WDR19: variants seen among roughly 807,000 people sequenced by gnomAD.
The protein encoded by WDR19 is WD repeat-containing protein 19.
A neutral mutation model predicts 180.0 loss-of-function variants in WDR19; 121 were observed. That is an observed-to-expected ratio of 0.67 (90% confidence interval 0.58 to 0.78). The LOEUF is 0.78. Ranked by LOEUF, WDR19 falls within the 30% of genes least tolerant of loss-of-function variation. The pLI is 0.00. For synonymous variants in WDR19, 497 were observed against 540.7 expected, an observed-to-expected ratio of 0.92 and a Z score of 1.12; for missense variants, 1,450 against 1,640.7, an observed-to-expected ratio of 0.88 and a Z score of 2.01.
chr4:39,265,543 G>A (rs898660121), intron 28 of WDR19, among the ~76,000 whole-genome samples: 18 of 151,864 alleles, frequency 1.2e-4, no homozygotes, highest in Non-Finnish European at 1.8e-4. Context: ...GGAGGCTGAG[G>A]CGAGCAGATC....
rs139166827 is a variant in WDR19, at chr4:39,285,550, A to G, written c.*77A>G. 95 of 152,336 alleles carry G rather than the reference A, an allele frequency of 6.2e-4. No individual in the cohort carries two copies. The highest frequency in any genetic ancestry group is 2.2e-3 in the African/African-American group (91 of 41,574). 9.4% of individuals were successfully genotyped at this position (152,336 alleles called of 1,614,324 possible). A position where few individuals can be genotyped will look rare whatever the true frequency, so the allele number is the denominator to read the frequency against. ...GCTGTTTCCTCCCCTGGTGGATTTA[A>G]GAGACGGTCCTTTCTGGATACAGAG... On this transcript the variant is annotated 3_prime_UTR_variant, in exon 37 of 37. Coordinates refer to ENST00000399820, the MANE Select transcript of WDR19 (RefSeq NM_025132.4).
intron 33 of WDR19, among the ~76,000 whole-genome samples, chr4:39,276,237 G>A (rs1415269662): frequency 6.6e-6 from 1 of 152,172 alleles, no homozygotes; most frequent in African/African-American, 2.4e-5. Flanking sequence ...CTCTAAGCTG[G>A]ATGGGAGTAC....
chr4:39,284,599 A>AAAG (rs1335709146), intron 36 of WDR19, among the ~76,000 whole-genome samples: 17 of 148,490 alleles, frequency 1.1e-4, no homozygotes, highest in African/African-American at 3.7e-4. Flanking sequence ...TCAGCCTCCC[A>AAAG]AAGAAGTGTT....
Position 39,194,637 on chromosome 4 carries a change from A to G in WDR19, c.384A>G (p.Thr128=), listed in dbSNP as rs1255291158. 1 of 1,611,498 alleles carries G rather than the reference A, an allele frequency of 6.2e-7. No individual in the cohort carries two copies. Among genetic ancestry groups the G allele is most frequent in the Non-Finnish European group, 8.5e-7 (1 of 1,178,264 alleles). The change falls in exon 5 of 37, where the codon ACA becomes ACG. Residue 128 remains threonine, a synonymous_variant. Transcript: ENST00000399820. ...ATTTGCTTATTTATAATCATCAGAC[A>G]TCTCGAAAGATTCCTGTCCTTGGTA... ...KGNLLIYNHQ[T]SRKIPVLGKH...
chr4:39,255,951 A>G lies in WDR19; in HGVS notation c.3105A>G (p.Gln1035=). ...QAGKFFLLCG[Q]YSRALKHFLK... Reference sequence around the variant, plus strand: ...GAAAATTCTTCTTGCTGTGTGGCCAATATTCACGAGTTAGTATTTGCCAAG... The same window carrying G: ...GAAAATTCTTCTTGCTGTGTGGCCAGTATTCACGAGTTAGTATTTGCCAAG... The change falls in exon 27 of 37, where the codon CAA becomes CAG. Residue 1035 remains glutamine (Q), a synonymous_variant. Coordinates refer to ENST00000399820, the MANE Select transcript of WDR19 (RefSeq NM_025132.4). 3 of 1,552,826 alleles carry G rather than the reference A, an allele frequency of 1.9e-6. No individual in the cohort carries two copies. The highest frequency in any genetic ancestry group is 2.6e-6 in the Non-Finnish European group (3 of 1,149,736).
At chr4:39,208,182 G>A (rs1728143634) in intron 9 of WDR19, among the ~76,000 whole-genome samples, 1 of 151,194 alleles carries the variant, frequency 6.6e-6, no homozygotes, top group East Asian at 1.9e-4. Context: ...GAAAGAAACA[G>A]GAATAAAAAC....
chr4:39,183,700 T>C (rs1411686599), intron 1 of WDR19, among the ~76,000 whole-genome samples: 1 of 152,234 alleles, frequency 6.6e-6, no homozygotes, highest in African/African-American at 2.4e-5. Flanking sequence ...TGAAGAGTTA[T>C]TATTCATGAT....
chr4:39,248,317 C>T (rs749253910), intron 24 of WDR19, among the ~76,000 whole-genome samples: 40 of 152,146 alleles, frequency 2.6e-4, no homozygotes, highest in Non-Finnish European at 5.1e-4. Flanking sequence ...GATGTTGTCA[C>T]CACCAGGCCT....
chr4:39,182,673 G>A, intron 1 of WDR19, 110 bp downstream of exon 1: 1 of 1,497,648 alleles, frequency 6.7e-7, no homozygotes, highest in Non-Finnish European at 9.1e-7. Flanking sequence ...CGTTGGAAAT[G>A]AGGAAGAGAG....
chr4:39,279,007 A>C (rs1224018155), intron 36 of WDR19, among the ~76,000 whole-genome samples: 1 of 152,156 alleles, frequency 6.6e-6, no homozygotes, highest in East Asian at 1.9e-4. Context: ...TATATTGTAA[A>C]AATGTTGGCT....
intron 27 of WDR19, 79 bp from the exon 28 acceptor site, chr4:39,257,407 T>C (rs1381165364): frequency 7.6e-7 from 1 of 1,324,302 alleles, no homozygotes; most frequent in Admixed American, 2.0e-5. Context: ...TTACTTTGTG[T>C]TAAAGCTGTG....
chr4:39,205,347 A>G (rs1461682738), intron 8 of WDR19, 81 bp downstream of exon 8: 7 of 1,349,048 alleles, frequency 5.2e-6, no homozygotes, highest in African/African-American at 2.9e-5. Context: ...ATTGTATTCA[A>G]TTTTTGTTTG....
Position 39,186,598 on chromosome 4 carries a change from T to A in WDR19, c.158T>A (p.Leu53Ter). ...GGTCAAAAAAGAAGTGAAATTAACT[T>A]ACCTGGGTAAGTACAGAAGTAGATT... is the stretch of plus-strand genomic sequence containing the variant. ...RHGQKRSEIN[L>*]PGNCVAMDWD... is the part of the protein sequence containing the mutation. Residue 53 changes from leucine (L) to a stop codon, truncating the protein, a stop_gained, in exon 3 of 37, where the codon TTA (leucine) becomes TAA (stop). Transcript: ENST00000399820. LOFTEE classifies it high-confidence loss of function. The A allele has an allele frequency of 1.3e-6, 2 of 1,578,936 alleles. No individual in the cohort carries two copies. The highest frequency in any genetic ancestry group is 3.6e-5 in the Admixed American group (2 of 54,834).
At chr4:39,242,911 G>A (rs373846911) in intron 21 of WDR19, among the ~76,000 whole-genome samples, 2 of 151,812 alleles carry the variant, frequency 1.3e-5, no homozygotes, top group African/African-American at 2.4e-5. Flanking sequence ...CAAGTGATCC[G>A]CCCACCTCAG....
intron 21 of WDR19, among the ~76,000 whole-genome samples, chr4:39,242,391 C>T (rs1425871085): frequency 1.3e-5 from 2 of 152,056 alleles, no homozygotes; most frequent in Non-Finnish European, 2.9e-5. Context: ...CTAAGCACTG[C>T]GATTACAGGC....
At chr4:39,259,133 C>T (rs886204732) in intron 28 of WDR19, among the ~76,000 whole-genome samples, 5 of 152,126 alleles carry the variant, frequency 3.3e-5, no homozygotes, top group African/African-American at 4.8e-5. Flanking sequence ...ATTTCCCTTA[C>T]GTTTTCTTCT....
chr4:39,183,780 C>T (rs1725226885), intron 1 of WDR19, among the ~76,000 whole-genome samples: 1 of 152,170 alleles, frequency 6.6e-6, no homozygotes, highest in Non-Finnish European at 1.5e-5. Context: ...TAATAAGCTA[C>T]AAACAAAATT....
At position 39,255,870 on chromosome 4, in the gene WDR19, A is replaced by C; in HGVS notation, c.3024A>C (p.Glu1008Asp). Reference sequence around the variant, plus strand: ...CAGGTTCTGAAGACACTACTAATGAAGACTATCAAAGCATTGCCTTATACT... The same window carrying C: ...CAGGTTCTGAAGACACTACTAATGACGACTATCAAAGCATTGCCTTATACT... ...DIIGSEDTTNEDYQSIALYFE... is the reference protein window; with the variant it reads ...DIIGSEDTTNDDYQSIALYFE... Residue 1008 changes from glutamate (E) to aspartate (D), a missense_variant, in exon 27 of 37, where the codon GAA becomes GAC. By Grantham distance (45) the Glu-to-Asp change is conservative. Coordinates refer to ENST00000399820, the MANE Select transcript of WDR19 (RefSeq NM_025132.4). 1 of 1,602,950 alleles carries C rather than the reference A, an allele frequency of 6.2e-7. No individual in the cohort carries two copies. The highest frequency in any genetic ancestry group is 8.5e-7 in the Non-Finnish European group (1 of 1,174,616).
intron 15 of WDR19, among the ~76,000 whole-genome samples, chr4:39,226,298 C>G (rs137975077): frequency 2.8e-4 from 42 of 152,254 alleles, no homozygotes; most frequent in African/African-American, 9.1e-4. Context: ...TTCTCTTTTT[C>G]TTGATAATTT....
Sources: allele counts gnomAD v4.1 joint callset (sites outside exome capture counted in the v4.1 genomes callset), GRCh38; gene constraint gnomAD v4.1.1; transcripts MANE v1.5; gene names NCBI Gene and HGNC (gene_info 2026-07-23, HGNC 2026-07-21).